The following SPTA1 variants were observed in gnomAD, a reference collection of about 807,000 sequenced individuals.
The protein encoded by SPTA1 is spectrin alpha chain, erythrocytic 1.
A neutral mutation model predicts 324.7 loss-of-function variants in SPTA1; 177 were observed. The observed-to-expected ratio is 0.55, with a 90% confidence interval of 0.48 to 0.62. SPTA1 has a LOEUF of 0.62. Ranked by LOEUF, SPTA1 falls within the 20% of genes least tolerant of loss-of-function variation. SPTA1 has a pLI of 0.00. For missense variants in SPTA1, 3,162 were observed against 2,883.6 expected, an observed-to-expected ratio of 1.10 and a Z score of -2.21; for synonymous variants, 1,195 against 1,041.3, an observed-to-expected ratio of 1.15 and a Z score of -2.84.
At chr1:158,666,225 A>C in intron 16 of SPTA1, 91 bp downstream of exon 16, 1 of 1,324,342 alleles carries the variant, frequency 7.6e-7, no homozygotes. Flanking sequence ...TTAAGTAATT[A>C]ATAAGTAATA....
At chr1:158,656,692 T>C (rs1360911555) in intron 19 of SPTA1, 36 bp from the exon 20 acceptor site, 2 of 1,552,042 alleles carry the variant, frequency 1.3e-6, no homozygotes, top group Admixed American at 1.7e-5. Context: ...AGAATGAATA[T>C]AGGAGGAACA....
In SPTA1 at chr1:158,669,513, T is replaced by A. The variant is rs772126736; in HGVS notation, c.1728A>T (p.Arg576Ser). 8 of 1,614,148 alleles carry A rather than the reference T, an allele frequency of 5.0e-6. No individual in the cohort carries two copies. Among genetic ancestry groups the A allele is most frequent in the Admixed American group, 1.7e-5 (1 of 60,014 alleles). ...GCAGAAGCAATGACTCCTTCAGCAA[T>A]CTACGTCTAGTGGCAGCCTTTTCAC... Reference protein sequence around the residue: ...ALREKAATRRRLLKESLLLQK... With the variant: ...ALREKAATRRSLLKESLLLQK... Residue 576 changes from arginine to serine, a missense_variant, in exon 14 of 52, where the codon AGA becomes AGT. Coordinates refer to ENST00000643759, the MANE Select transcript of SPTA1 (RefSeq NM_003126.4).
intron 24 of SPTA1, 71 bp from the exon 25 acceptor site, chr1:158,650,018 A>G: frequency 9.7e-7 from 1 of 1,031,534 alleles, no homozygotes; most frequent in Non-Finnish European, 1.5e-6. Context: ...TCTGAAGACC[A>G]GACAAGATTT....
rs1654018549 is a variant in SPTA1 at position 158,671,445 on chromosome 1, C to T, written c.1497G>A (p.Leu499=). The change falls in exon 12 of 52, where the codon CTG becomes CTA. Residue 499 remains leucine, a synonymous_variant. Coordinates refer to ENST00000643759, the MANE Select transcript of SPTA1 (RefSeq NM_003126.4). ...GTGAGTTTCCCAGATCCTCGTTTTC[C>T]AGGAAGGCCTGTAGAAGACAGAAAG... ...DSWMSRQEAF[L]ENEDLGNSLG... The T allele has an allele frequency of 1.2e-6, 2 of 1,612,674 alleles. No homozygotes were observed. Among genetic ancestry groups the T allele is most frequent in the Admixed American group, 1.7e-5 (1 of 59,976 alleles).
intron 18 of SPTA1, among the ~76,000 whole-genome samples, chr1:158,658,452 G>A (rs889761486): frequency 6.6e-6 from 1 of 152,100 alleles, no homozygotes; most frequent in Non-Finnish European, 1.5e-5. Context: ...AAAAGCAGTG[G>A]ACAAACAACT....
At chr1:158,643,490 T>A (rs1464085647) in intron 30 of SPTA1, 65 bp from the exon 31 acceptor site, 2 of 1,447,608 alleles carry the variant, frequency 1.4e-6, no homozygotes, top group Non-Finnish European at 1.9e-6. Flanking sequence ...AATCCCAGAC[T>A]CCCTCCTAGA....
chr1:158,612,934 A>G lies in SPTA1; in HGVS notation c.7017T>C (p.Tyr2339=). 1 of 1,613,958 alleles carries G rather than the reference A, an allele frequency of 6.2e-7. No individual in the cohort carries two copies. ...GRKGYVSLED[Y]TAFLIDKESE... Reference sequence around the variant, plus strand: ...ACTCCTTGTCAATCAGGAAAGCAGTATAGTCCTCCAGTGAGACATAGCCCT... The same window carrying G: ...ACTCCTTGTCAATCAGGAAAGCAGTGTAGTCCTCCAGTGAGACATAGCCCT... The change falls in exon 51 of 52, where the codon TAT becomes TAC. Residue 2339 remains tyrosine (Y), a synonymous_variant. Coordinates refer to ENST00000643759, the MANE Select transcript of SPTA1 (RefSeq NM_003126.4).
At chr1:158,615,427 G>A (rs745627324) in intron 47 of SPTA1, 24 bp from the exon 48 acceptor site, 2 of 1,613,204 alleles carry the variant, frequency 1.2e-6, no homozygotes, top group Non-Finnish European at 1.7e-6. Context: ...AGAGAAGAGA[G>A]ACAATTAGTT....
intron 4 of SPTA1, 38 bp downstream of exon 4, chr1:158,681,489 T>A: frequency 6.2e-7 from 1 of 1,612,956 alleles, no homozygotes; most frequent in East Asian, 2.2e-5. Context: ...GACAGAGGAG[T>A]GGGAGGCCCT....
At chr1:158,673,527 G>A (rs1654176352) in intron 10 of SPTA1, among the ~76,000 whole-genome samples, 1 of 152,196 alleles carries the variant, frequency 6.6e-6, no homozygotes, top group South Asian at 2.1e-4. Context: ...GTTATTTAAT[G>A]CAAATTTGAA....
chr1:158,627,489 G>A (rs1350642430), intron 40 of SPTA1, 136 bp downstream of exon 40: 7 of 838,732 alleles, frequency 8.3e-6, no homozygotes, highest in Non-Finnish European at 1.4e-5. Flanking sequence ...ACAACAAAAG[G>A]CAGTTTAGAA....
intron 37 of SPTA1, 129 bp downstream of exon 37, chr1:158,636,512 T>A: frequency 9.3e-7 from 1 of 1,077,192 alleles, no homozygotes; most frequent in Non-Finnish European, 1.4e-6. Context: ...ATTTGTAAAC[T>A]CTTTGACTAA....
chr1:158,668,140 T>C, intron 14 of SPTA1, 78 bp from the exon 15 acceptor site: 1 of 1,465,200 alleles, frequency 6.8e-7, no homozygotes. Context: ...AAGAGGTTAC[T>C]TCTCACTATA....
chr1:158,674,567 A>G lies in SPTA1; in HGVS notation c.1221T>C (p.Val407=), dbSNP rs759523913. ...ELPTDVAGGE[V]LLDRHQQHKH... ...TATGCTGCTGATGCCTGTCCAGCAG[A>G]ACTTCTCCACCAGCCACATCTGTTG... is the stretch of plus-strand genomic sequence containing the variant. The change falls in exon 9 of 52, where the codon GTT becomes GTC. Residue 407 remains valine, a synonymous_variant. Transcript: ENST00000643759. 18 of 1,613,988 alleles carry G rather than the reference A, an allele frequency of 1.1e-5. No individual in the cohort carries two copies. Among genetic ancestry groups the G allele is most frequent in the Non-Finnish European group, 1.4e-5 (17 of 1,180,006 alleles).
chr1:158,635,379 A>G (rs11265041), intron 38 of SPTA1, among the ~76,000 whole-genome samples: 1 of 151,306 alleles, frequency 6.6e-6, no homozygotes, highest in Non-Finnish European at 1.5e-5. Flanking sequence ...CATGATTGTA[A>G]GTTTCCTGAG....
chr1:158,661,202 C>T (rs1156410638), intron 18 of SPTA1, 85 bp downstream of exon 18: 2 of 1,601,422 alleles, frequency 1.2e-6, no homozygotes, highest in African/African-American at 1.3e-5. Context: ...TTTTAAATTC[C>T]CTTGAAACCC....
chr1:158,680,576 A>G lies in SPTA1; in HGVS notation c.678+7T>C, dbSNP rs1654731473. On this transcript the variant is annotated splice_region_variant and intron_variant, in intron 5 of 51. Coordinates refer to ENST00000643759, the MANE Select transcript of SPTA1 (RefSeq NM_003126.4). The stretch of plus-strand genomic sequence containing the variant: ...TGCACGGAGTGAATATTTTGCTCCC[A>G]CCTCACCTCGGCACACTCATTGGCA... 3.1e-6 allele frequency: 5 copies of G among 1,613,628 alleles called. No homozygotes were observed. Among genetic ancestry groups the G allele is most frequent in the Non-Finnish European group, 4.2e-6 (5 of 1,179,774 alleles).
rs1255156521 is a variant in SPTA1, at chr1:158,653,263, C to T, written c.3188+11G>A. The T allele has an allele frequency of 6.2e-7, 1 of 1,613,974 alleles. No individual in the cohort carries two copies. The highest frequency in any genetic ancestry group is 1.3e-5 in the African/African-American group (1 of 74,912). On this transcript the variant is annotated intron_variant, in intron 22 of 51. Transcript: ENST00000643759. ...CAAATACTGTTCAGTTCTCCAGGCTCCAGAACTTACTGGTTCTCAATCTGC... is the reference window on the plus strand; with the variant it reads ...CAAATACTGTTCAGTTCTCCAGGCTTCAGAACTTACTGGTTCTCAATCTGC...
chr1:158,662,825 G>T lies in SPTA1; in HGVS notation c.2341C>A (p.Pro781Thr), dbSNP rs769027409. The part of the protein sequence containing the change: ...LVCRFEALKE[P>T]LATRKKKLLD... ...AGCTTCTTCTTTCGGGTGGCCAGTG[G>T]CTCTTTCAGAGCTTCAAATCGGCAT... Residue 781 changes from proline (P) to threonine (T), a missense_variant, in exon 17 of 52, where the codon CCA (proline) becomes ACA (threonine). Physicochemically the swap from Pro to Thr is conservative, Grantham distance 38. Coordinates refer to ENST00000643759, the MANE Select transcript of SPTA1 (RefSeq NM_003126.4). 1.4e-5 allele frequency: 22 copies of T among 1,613,940 alleles called. No individual in the cohort carries two copies. In the Admixed American group the frequency reaches 2.0e-4, roughly 15 times the overall value.
Sources: gnomAD v4.1 joint callset for allele counts (sites outside exome capture counted in the v4.1 genomes callset) on GRCh38, gnomAD v4.1.1 for gene constraint, MANE v1.5 for transcripts, NCBI Gene and HGNC (gene_info 2026-07-23, HGNC 2026-07-21) for gene names.